Variants in DEPDC1 observed in about 807,000 individuals in gnomAD.
DEPDC1 encodes DEP domain-containing protein 1A.
In DEPDC1, 66 loss-of-function variants were observed where a neutral mutation model predicts 86.8. The ratio of observed to expected loss-of-function variants is 0.76; its 90% confidence interval spans 0.62 to 0.93. The LOEUF (loss-of-function observed/expected upper bound fraction) is 0.93. Among genes scored for constraint, DEPDC1 ranks in the 40% least tolerant of loss-of-function variants. The probability of loss-of-function intolerance (pLI) is 0.00; values close to 1 mark genes in which losing one functional copy is unlikely to be tolerated. For synonymous variants in DEPDC1, 255 were observed against 314.9 expected (o/e 0.81, Z 2.02); for missense variants, 792 against 935.7 (o/e 0.85, Z 2.00).
intron 9 of DEPDC1, among the ~76,000 whole-genome samples, chr1:68,479,973 TA>T (rs1264023307): frequency 1.3e-5 from 2 of 151,940 alleles, no homozygotes; most frequent in African/African-American, 2.4e-5. Context: ...AATAACTAAT[TA>T]CATTAAATGA....
chr1:68,485,862 G>C (rs1301136676), intron 6 of DEPDC1, among the ~76,000 whole-genome samples: 1 of 151,916 alleles, frequency 6.6e-6, no homozygotes, highest in African/African-American at 2.4e-5. Flanking sequence ...AAGTTACCCT[G>C]AACATTAATA....
chr1:68,487,647 G>T (rs1646201454), intron 5 of DEPDC1, among the ~76,000 whole-genome samples: 1 of 151,796 alleles, frequency 6.6e-6, no homozygotes, highest in Non-Finnish European at 1.5e-5. Flanking sequence ...TTTACCTTTT[G>T]CTCCTACAAT....
At chr1:68,492,992 A>C (rs6658851) in intron 2 of DEPDC1, among the ~76,000 whole-genome samples, 71,832 of 151,968 alleles carry the variant, frequency 0.47, 18,199 homozygotes, top group Middle Eastern at 0.76. Context: ...ATGGGCCGAA[A>C]GCTCAGGAAA....
intron 5 of DEPDC1, 139 bp from the exon 6 acceptor site, chr1:68,487,123 C>G (rs1217880774): frequency 1.6e-6 from 1 of 631,938 alleles, no homozygotes; most frequent in African/African-American, 1.9e-5. Context: ...GTGTGTATTA[C>G]CAGGATTAAA....
At chr1:68,485,355 C>CTCTA (rs1646186420) in intron 6 of DEPDC1, among the ~76,000 whole-genome samples, 1 of 151,932 alleles carries the variant, frequency 6.6e-6, no homozygotes, top group South Asian at 2.1e-4. Context: ...TAGGTTTGAG[C>CTCTA]TCTAGCTCAT....
intron 1 of DEPDC1, 50 bp from the exon 2 acceptor site, chr1:68,494,745 T>G: frequency 6.9e-7 from 1 of 1,457,782 alleles, no homozygotes; most frequent in Non-Finnish European, 9.4e-7. Context: ...AAATTAAATC[T>G]CATATTGATT....
intron 6 of DEPDC1, among the ~76,000 whole-genome samples, chr1:68,485,935 AT>A (rs1263537446): frequency 6.6e-6 from 1 of 152,132 alleles, no homozygotes; most frequent in African/African-American, 2.4e-5. Context: ...ACTTGTAACT[AT>A]TAAAACATAA....
rs1432432702 is a variant in DEPDC1 at position 68,474,616 on chromosome 1, TCTTTA to T, written c.*2311_*2315del. 7.0e-6 allele frequency: 1 copy of T among 142,418 alleles called. No individual in the cohort carries two copies. The highest frequency in any genetic ancestry group is 6.7e-5 in the Admixed American group (1 of 14,920). The allele number at this position is 142,418 out of a possible 1,614,324, so 8.8% of individuals were successfully genotyped here. On this transcript the variant is annotated 3_prime_UTR_variant, in exon 12 of 12. Coordinates refer to ENST00000456315, the MANE Select transcript of DEPDC1 (RefSeq NM_001114120.3). ...AATGTGCAACACCTTCCCCATCCCCTCTTTACTTGTAGCAGTTGATTTTGCTTCTT... is the reference window on the plus strand; with the variant it reads ...AATGTGCAACACCTTCCCCATCCCCTCTTGTAGCAGTTGATTTTGCTTCTT...
intron 6 of DEPDC1, 72 bp from the exon 7 acceptor site, chr1:68,484,162 T>C (rs1646177146): frequency 8.2e-7 from 1 of 1,212,460 alleles, no homozygotes; most frequent in African/African-American, 1.6e-5. Flanking sequence ...ACATAAAAAG[T>C]ATAAAATCTG....
At chr1:68,478,775 C>A (rs1646134144) in intron 10 of DEPDC1, among the ~76,000 whole-genome samples, 1 of 151,998 alleles carries the variant, frequency 6.6e-6, no homozygotes, top group South Asian at 2.1e-4. Flanking sequence ...TCTTAACAAC[C>A]TAAACGATGC....
rs536352856 is a variant in DEPDC1 at position 68,482,590 on chromosome 1, T to C, written c.1218A>G (p.Leu406=). The C allele has an allele frequency of 6.2e-7, 1 of 1,613,034 alleles. No homozygotes were observed. Among genetic ancestry groups the C allele is most frequent in the East Asian group, 2.2e-5 (1 of 44,828 alleles). ...TAGAGGATAGATCATGCATATTACT[T>C]AACCCTATTAAATTATGACAACTTC... ...MGGSCHNLIG[L]SNMHDLSSNS... The change falls in exon 8 of 12, where the codon TTA becomes TTG. Residue 406 remains leucine (L), a synonymous_variant. Transcript: ENST00000456315.
At chr1:68,481,363 T>C (rs1233154287) in intron 9 of DEPDC1, 77 bp downstream of exon 9, 5 of 1,278,894 alleles carry the variant, frequency 3.9e-6, no homozygotes, top group Non-Finnish European at 5.5e-6. Flanking sequence ...ATCACTTGAG[T>C]AGTACTTTTA....
chr1:68,477,043 A>G lies in DEPDC1; in HGVS notation c.2325T>C (p.Tyr775=), dbSNP rs1646120574. ...KQFQKEYPLI[Y]QKRFPTTESE... ...TCTCCGTGGTTGGAAATCTTTTCTGATATATCAAAGGATATTCCTTCTGAA... is the reference window on the plus strand; with the variant it reads ...TCTCCGTGGTTGGAAATCTTTTCTGGTATATCAAAGGATATTCCTTCTGAA... The change falls in exon 12 of 12, where the codon TAT becomes TAC. Residue 775 remains tyrosine (Y), a synonymous_variant. Transcript: ENST00000456315. 1.2e-6 allele frequency: 2 copies of G among 1,608,192 alleles called. No individual in the cohort carries two copies.
intron 5 of DEPDC1, 47 bp downstream of exon 5, chr1:68,488,327 C>A (rs368309505): frequency 1.3e-6 from 2 of 1,535,670 alleles, no homozygotes; most frequent in Admixed American, 2.2e-5. Context: ...ATAGCTGCAA[C>A]CTTGTTGGCA....
At chr1:68,494,960 T>C (rs2100277036) in intron 1 of DEPDC1, among the ~76,000 whole-genome samples, 1 of 152,232 alleles carries the variant, frequency 6.6e-6, no homozygotes. Flanking sequence ...CTGACCAATA[T>C]GGAGAAACTC....
Position 68,481,508 on chromosome 1 carries a change from T to A in DEPDC1, c.1867A>T (p.Met623Leu), listed in dbSNP as rs1646155143. 6.2e-7 allele frequency: 1 copy of A among 1,612,494 alleles called. No homozygotes were observed. Among genetic ancestry groups the A allele is most frequent in the African/African-American group, 1.3e-5 (1 of 74,942 alleles). The change falls in exon 9 of 12, where the codon ATG (methionine) becomes TTG (leucine). Residue 623 changes from methionine (M) to leucine (L), a missense_variant. By Grantham distance (15) the Met-to-Leu change is conservative (BLOSUM62 2). Transcript: ENST00000456315. ...NRRKLQLLMR[M>L]ISRMSQNVDM... Reference sequence around the variant, plus strand: ...ACATTTTGACTCATTCGGGAAATCATACGCATTAAAAGTTGAAGCTTTCTA... The same window carrying A: ...ACATTTTGACTCATTCGGGAAATCAAACGCATTAAAAGTTGAAGCTTTCTA...
intron 2 of DEPDC1, among the ~76,000 whole-genome samples, chr1:68,490,986 C>T (rs1036995194): frequency 6.6e-6 from 1 of 151,976 alleles, no homozygotes; most frequent in Non-Finnish European, 1.5e-5. Flanking sequence ...AGTTACATGC[C>T]GAAGATTGAA....
chr1:68,496,894 G>T lies in DEPDC1; in HGVS notation c.48+58C>A, dbSNP rs531289493. ...CTGCGAACGGTCGAGGTAAAACTGC[G>T]AACAGTGGTGACTGCCGTCAGCCCG... On this transcript the variant is annotated intron_variant, in intron 1 of 11. Coordinates refer to ENST00000456315, the MANE Select transcript of DEPDC1 (RefSeq NM_001114120.3). This position sits in a 1 kb window ranked among gnomAD's most constrained non-coding sequence, Gnocchi z 4.0. 1.8e-5 allele frequency: 29 copies of T among 1,571,578 alleles called. No individual in the cohort carries two copies. The highest frequency in any genetic ancestry group is 3.4e-5 in the Admixed American group (2 of 58,556).
At chr1:68,489,093 GCAA>G in intron 3 of DEPDC1, 59 bp from the exon 4 acceptor site, 1 of 1,042,016 alleles carries the variant, frequency 9.6e-7, no homozygotes, top group Non-Finnish European at 1.5e-6. Flanking sequence ...AATATTGAAA[GCAA>G]CAATAATTCT....
Sources: gnomAD v4.1 joint callset for allele counts (sites outside exome capture counted in the v4.1 genomes callset) on GRCh38, gnomAD v4.1.1 for gene constraint, Gnocchi (gnomAD v3.1) non-coding constraint, MANE v1.5 for transcripts, NCBI Gene and HGNC (gene_info 2026-07-23, HGNC 2026-07-21) for gene names.